Variants in POT1 observed in about 807,000 individuals in gnomAD.
POT1 encodes the protein protection of telomeres protein 1.
Under a neutral mutation model 78.5 loss-of-function variants are expected in POT1, and 47 were observed. That is an observed-to-expected ratio of 0.60 (90% confidence interval 0.47 to 0.76). The LOEUF is 0.76. Ranked by LOEUF, POT1 falls within the 30% of genes least tolerant of loss-of-function variation. POT1 has a pLI of 0.00. For missense variants in POT1, 646 were observed against 749.9 expected, an observed-to-expected ratio of 0.86 and a Z score of 1.62; for synonymous variants, 259 against 260.7, an observed-to-expected ratio of 0.99 and a Z score of 0.06.
chr7:124,907,444 C>T (rs2116675698), intron 3 of POT1, among the ~76,000 whole-genome samples: 1 of 152,094 alleles, frequency 6.6e-6, no homozygotes, highest in Admixed American at 6.6e-5. Context: ...TCACCCCCCA[C>T]AAAATTAAGG....
chr7:124,856,533 A>C (rs1241589162), intron 9 of POT1, among the ~76,000 whole-genome samples: 1 of 152,218 alleles, frequency 6.6e-6, no homozygotes, highest in Non-Finnish European at 1.5e-5. Context: ...TGGAAAAAAA[A>C]TCCACAGCAT....
At chr7:124,860,543 G>C (rs1795565541) in intron 8 of POT1, among the ~76,000 whole-genome samples, 3 of 152,044 alleles carry the variant, frequency 2.0e-5, no homozygotes, top group Admixed American at 2.0e-4. Flanking sequence ...AAATTGCTGA[G>C]TTGAAGGGTA....
intron 2 of POT1, among the ~76,000 whole-genome samples, chr7:124,916,658 A>C (rs1293784897): frequency 3.9e-5 from 6 of 152,214 alleles, no homozygotes. Context: ...GATACAAATA[A>C]AATTTTTATA....
At chr7:124,926,274 G>A (rs1222470177) in intron 2 of POT1, among the ~76,000 whole-genome samples, 1 of 152,020 alleles carries the variant, frequency 6.6e-6, no homozygotes, top group Non-Finnish European at 1.5e-5. Flanking sequence ...TTAAAAAGTG[G>A]GCTAAGGACA....
rs372881075 is a variant in POT1, at chr7:124,832,252, CA to C, written c.1506-2911del. Among the ~76,000 whole-genome samples the C allele has an allele frequency of 2.1e-3, 162 of 75,616 alleles. 1 individual carries two copies. The highest frequency in any genetic ancestry group is 0.019 in the East Asian group (53 of 2,748). The allele number at this position is 75,616 out of a possible 152,430, so 49.6% of individuals were successfully genotyped here. A position where few individuals can be genotyped will look rare whatever the true frequency, so the allele number is the denominator to read the frequency against. ...CTGGGTATCAGAATGACACTGTCTC[CA>C]AAAAAAAAAAAAAAAAAAAAAGTCT... On this transcript the variant is annotated intron_variant, in intron 15 of 18. Coordinates refer to ENST00000357628, the MANE Select transcript of POT1 (RefSeq NM_015450.3).
At position 124,823,464 on chromosome 7, in the gene POT1, A is replaced by C. The variant is rs912310257; in HGVS notation, c.*498T>G. The C allele has an allele frequency of 6.6e-6, 1 of 152,108 alleles. No individual in the cohort carries two copies. Among genetic ancestry groups the C allele is most frequent in the African/African-American group, 2.4e-5 (1 of 41,434 alleles). 9.4% of individuals were successfully genotyped at this position (152,108 alleles called of 1,614,324 possible). A position where few individuals can be genotyped will look rare whatever the true frequency, so the allele number is the denominator to read the frequency against. On this transcript the variant is annotated 3_prime_UTR_variant, in exon 19 of 19. Transcript: ENST00000357628. ...TCTCATTCAATTAGTTGTAAGTTGT[A>C]ATAGCGGCATATTTTACATGAGACT...
At chr7:124,835,883 C>A (rs1024425941) in intron 14 of POT1, among the ~76,000 whole-genome samples, 1 of 152,106 alleles carries the variant, frequency 6.6e-6, no homozygotes, top group Admixed American at 6.5e-5. Flanking sequence ...AAAATTTGTT[C>A]ATTTTTCCTG....
chr7:124,883,730 G>A (rs575545401), intron 6 of POT1, among the ~76,000 whole-genome samples: 1 of 151,720 alleles, frequency 6.6e-6, no homozygotes, highest in Admixed American at 6.6e-5. Context: ...TATTTTTCTA[G>A]GATAGGTTCT....
intron 6 of POT1, among the ~76,000 whole-genome samples, chr7:124,891,898 A>G (rs1584791676): frequency 6.6e-6 from 1 of 151,596 alleles, no homozygotes; most frequent in East Asian, 1.9e-4. Flanking sequence ...GCTTTTATAT[A>G]TTTGCCTTTC....
chr7:124,825,277 CAT>C lies in POT1; in HGVS notation c.1765_1766del (p.Met589ValfsTer9), dbSNP rs771968149. On this transcript the variant is annotated frameshift_variant, in exon 18 of 19. Transcript: ENST00000357628. LOFTEE classifies it high-confidence loss of function. ...CAATTTTTATTCCTGGAGGACAAAA[CAT>C]ATCCATGATCATATCCACACTTTTC... is the stretch of plus-strand genomic sequence containing the variant. ...LQKSVDMIMDMFCPPGIKIDA... is the reference protein window; with the variant it reads ...LQKSVDMIMDXFCPPGIKIDA... 1.2e-6 allele frequency: 2 copies of C among 1,608,294 alleles called. No homozygotes were observed. The highest frequency in any genetic ancestry group is 3.4e-5 in the Admixed American group (2 of 59,616).
intron 3 of POT1, among the ~76,000 whole-genome samples, chr7:124,899,423 TACC>T (rs1796567647): frequency 1.3e-5 from 2 of 152,150 alleles, no homozygotes; most frequent in African/African-American, 4.8e-5. Flanking sequence ...AATGCCAAAT[TACC>T]ACAACTCTTC....
chr7:124,847,213 G>T (rs1348315210), intron 11 of POT1, among the ~76,000 whole-genome samples: 1 of 152,168 alleles, frequency 6.6e-6, no homozygotes. Context: ...GCAGAGGCTG[G>T]GGTGGGCACA....
intron 9 of POT1, 21 bp from the exon 10 acceptor site, chr7:124,853,159 TATTTAGAAAGTGGGGAAAAA>T: frequency 6.6e-7 from 1 of 1,523,646 alleles, no homozygotes; most frequent in Non-Finnish European, 8.9e-7. Flanking sequence ...GATCATTTGT[TATTTAGAAAGTGGGGAAAAA>T]TTAAAATACT....
At chr7:124,886,922 T>A (rs1352514270) in intron 6 of POT1, among the ~76,000 whole-genome samples, 2 of 152,126 alleles carry the variant, frequency 1.3e-5, no homozygotes, top group African/African-American at 4.8e-5. Flanking sequence ...AAATGATGTA[T>A]TTGCAGATCA....
chr7:124,879,542 T>C (rs1796069815), intron 6 of POT1, among the ~76,000 whole-genome samples: 1 of 152,154 alleles, frequency 6.6e-6, no homozygotes, highest in African/African-American at 2.4e-5. Flanking sequence ...TCTTTAGTTT[T>C]TGTTTTGTTT....
At chr7:124,859,943 C>T (rs911813384) in intron 8 of POT1, among the ~76,000 whole-genome samples, 4 of 151,452 alleles carry the variant, frequency 2.6e-5, no homozygotes, top group Admixed American at 6.6e-5. Flanking sequence ...TGGTATACCA[C>T]GGCTACTGAA....
At chr7:124,891,832 G>A (rs775151057) in intron 6 of POT1, among the ~76,000 whole-genome samples, 4 of 151,360 alleles carry the variant, frequency 2.6e-5, no homozygotes, top group Non-Finnish European at 4.4e-5. Flanking sequence ...TGTTACTGAC[G>A]TCATAATTTG....
chr7:124,877,749 C>T (rs954078741), intron 6 of POT1, among the ~76,000 whole-genome samples: 4 of 145,300 alleles, frequency 2.8e-5, no homozygotes, highest in African/African-American at 7.6e-5. Flanking sequence ...AGGAGAGTGG[C>T]GTGAACCCGG....
In POT1 at chr7:124,846,976, G is replaced by A. The variant is rs758749502; in HGVS notation, c.972C>T (p.Tyr324=). The A allele has an allele frequency of 3.5e-5, 56 of 1,605,074 alleles. No individual in the cohort carries two copies. Among genetic ancestry groups the A allele is most frequent in the Admixed American group, 6.7e-5 (4 of 59,944 alleles). ...SFPSSGSVSL[Y]EVERCQQLSA... ...ATAGCTGTTGACATCTTTCTACCTC[G>A]TATAATGATACTGATCCAGAGCCTA... Residue 324 remains tyrosine, a synonymous_variant, in exon 12 of 19, where the codon TAC becomes TAT. Coordinates refer to ENST00000357628, the MANE Select transcript of POT1 (RefSeq NM_015450.3).
Sources: allele counts gnomAD v4.1 joint callset (sites outside exome capture counted in the v4.1 genomes callset), GRCh38; gene constraint gnomAD v4.1.1; transcripts MANE v1.5; gene names NCBI Gene and HGNC (gene_info 2026-07-23, HGNC 2026-07-21).